The following PLA2R1 variants were observed in gnomAD, a reference collection of about 807,000 sequenced individuals.
The protein encoded by PLA2R1 is secretory phospholipase A2 receptor.
A neutral mutation model predicts 195.9 loss-of-function variants in PLA2R1; 158 were observed. The observed-to-expected ratio is 0.81, with a 90% confidence interval of 0.71 to 0.92. The LOEUF is 0.92. Among genes scored for constraint, PLA2R1 ranks in the 40% least tolerant of loss-of-function variants. The pLI is 0.00. For missense variants in PLA2R1, 1,626 were observed against 1,764.6 expected, an observed-to-expected ratio of 0.92 and a Z score of 1.41; for synonymous variants, 586 against 598.2, an observed-to-expected ratio of 0.98 and a Z score of 0.30.
chr2:160,041,393 A>G (rs1486370436), intron 3 of PLA2R1, among the ~76,000 whole-genome samples: 1 of 152,228 alleles, frequency 6.6e-6, no homozygotes, highest in Non-Finnish European at 1.5e-5. Context: ...ATGAAATAAT[A>G]AGGCACTAAC....
At chr2:159,995,817 C>A (rs1691172315) in intron 11 of PLA2R1, among the ~76,000 whole-genome samples, 1 of 151,764 alleles carries the variant, frequency 6.6e-6, no homozygotes, top group Non-Finnish European at 1.5e-5. Flanking sequence ...AGAGAGTTCC[C>A]CTCTAACACC....
chr2:160,039,021 C>T (rs1190520269), intron 3 of PLA2R1, among the ~76,000 whole-genome samples: 3 of 151,988 alleles, frequency 2.0e-5, no homozygotes, highest in African/African-American at 4.8e-5. Context: ...TGCCTACCAC[C>T]ACACCCAGCT....
At chr2:160,001,611 T>A (rs930515218) in intron 11 of PLA2R1, among the ~76,000 whole-genome samples, 6 of 151,850 alleles carry the variant, frequency 4.0e-5, no homozygotes, top group Non-Finnish European at 8.8e-5. Context: ...TAGAAAAAAA[T>A]TTAAAAAATG....
chr2:159,985,931 T>C (rs1004972879), intron 12 of PLA2R1, among the ~76,000 whole-genome samples: 2 of 152,042 alleles, frequency 1.3e-5, no homozygotes, highest in African/African-American at 4.8e-5. Context: ...CCTCCTAGAA[T>C]AGGATGTCTT....
chr2:160,055,378 C>A lies in PLA2R1; in HGVS notation c.109+6917G>T, dbSNP rs1220431402. Among the ~76,000 whole-genome samples, 6 of 152,176 alleles carry A rather than the reference C, an allele frequency of 3.9e-5. No individual in the cohort carries two copies. In the South Asian group the frequency reaches 1.0e-3, roughly 26 times the overall value. ...TCACGCTTTTACTGAAATTCCGTTT[C>A]CAGATTAGTAGAATGGCTCATTGCC... On this transcript the variant is annotated intron_variant, in intron 1 of 29. Transcript: ENST00000283243.
intron 28 of PLA2R1, among the ~76,000 whole-genome samples, chr2:159,944,452 T>C (rs1224774473): frequency 6.6e-6 from 1 of 152,228 alleles, no homozygotes. Context: ...ATGATTAAGT[T>C]AAAATGTGAC....
the PLA2R1 span, among the ~76,000 whole-genome samples, chr2:159,925,188 T>TAA: frequency 0.051 from 7,686 of 150,292 alleles, 622 homozygotes; most frequent in African/African-American, 0.18. Flanking sequence ...ACGTCAGTTA[T>TAA]AAAAAAAAAC....
intron 11 of PLA2R1, among the ~76,000 whole-genome samples, chr2:159,994,248 T>C (rs1369146895): frequency 6.6e-6 from 1 of 152,122 alleles, no homozygotes; most frequent in African/African-American, 2.4e-5. Flanking sequence ...TTAAACAATG[T>C]GATGTGAATA....
intron 20 of PLA2R1, among the ~76,000 whole-genome samples, chr2:159,966,520 A>C (rs1446388966): frequency 2.6e-5 from 4 of 152,220 alleles, no homozygotes; most frequent in African/African-American, 9.6e-5. Context: ...AATGGCTAGA[A>C]TGGTGAATTC....
At chr2:160,029,366 T>A (rs1693715749) in intron 4 of PLA2R1, among the ~76,000 whole-genome samples, 1 of 151,834 alleles carries the variant, frequency 6.6e-6, no homozygotes, top group Non-Finnish European at 1.5e-5. Context: ...TAAAACGGTG[T>A]GCTGAAGTAG....
chr2:159,926,717 T>C, the PLA2R1 span, among the ~76,000 whole-genome samples: 2 of 152,092 alleles, frequency 1.3e-5, no homozygotes, highest in African/African-American at 4.8e-5. Context: ...ACTACTGTAT[T>C]TATAAAGGTG....
intron 12 of PLA2R1, among the ~76,000 whole-genome samples, chr2:159,984,385 T>C (rs896377694): frequency 6.6e-6 from 1 of 152,212 alleles, no homozygotes; most frequent in Admixed American, 6.5e-5. Context: ...CAGTAAATAT[T>C]TGTCAAGAGA....
At chr2:160,046,771 G>C (rs1267144426) in intron 1 of PLA2R1, among the ~76,000 whole-genome samples, 2 of 152,122 alleles carry the variant, frequency 1.3e-5, no homozygotes, top group Non-Finnish European at 2.9e-5. Flanking sequence ...ATTTCATTTA[G>C]ATCAGGAAAT....
chr2:160,005,781 C>T lies in PLA2R1; in HGVS notation c.1705G>A (p.Val569Ile). ...AFITSLISSV[V>I]KMKDSYFWIA... is the part of the protein sequence containing the mutation. ...CAAAAATAACTGTCCTTCATTTTTA[C>T]CACACTACTGATCAAACTGGTAATA... Residue 569 changes from valine (V) to isoleucine (I), a missense_variant, in exon 11 of 30, where the codon GTA (valine) becomes ATA (isoleucine). By Grantham distance (29) the Val-to-Ile change is conservative. Coordinates refer to ENST00000283243, the MANE Select transcript of PLA2R1 (RefSeq NM_007366.5). 1 of 1,612,710 alleles carries T rather than the reference C, an allele frequency of 6.2e-7. No individual in the cohort carries two copies. The highest frequency in any genetic ancestry group is 1.1e-5 in the South Asian group (1 of 91,048).
chr2:160,017,732 A>G (rs1436010007), intron 8 of PLA2R1, among the ~76,000 whole-genome samples: 1 of 152,216 alleles, frequency 6.6e-6, no homozygotes, highest in Non-Finnish European at 1.5e-5. Flanking sequence ...TTAATAACAC[A>G]AATCAGAACC....
intron 2 of PLA2R1, among the ~76,000 whole-genome samples, chr2:160,044,144 C>CTT (rs11448444): frequency 7.9e-5 from 12 of 151,278 alleles, no homozygotes; most frequent in East Asian, 1.9e-4. Flanking sequence ...ATGTAACTTT[C>CTT]TTTTTTTTTC....
At position 160,016,613 on chromosome 2, in the gene PLA2R1, C is replaced by A; in HGVS notation, c.1551+1G>T. On this transcript the variant is annotated splice_donor_variant, in intron 9 of 29. Coordinates refer to ENST00000283243, the MANE Select transcript of PLA2R1 (RefSeq NM_007366.5). LOFTEE classifies it high-confidence loss of function. ...TAAATTGCAATGTTAACAGCACTTA[C>A]CTCTTGACATCCTGATTCAGCATCA... is the stretch of plus-strand genomic sequence containing the variant. 4 of 1,526,108 alleles carry A rather than the reference C, an allele frequency of 2.6e-6. No individual in the cohort carries two copies. The highest frequency in any genetic ancestry group is 3.6e-6 in the Non-Finnish European group (4 of 1,099,900). 94.5% of individuals were successfully genotyped at this position (1,526,108 alleles called of 1,614,324 possible). A position where few individuals can be genotyped will look rare whatever the true frequency, so the allele number is the denominator to read the frequency against.
In PLA2R1 at chr2:159,941,719, G is replaced by A; in HGVS notation, c.*59C>T. 3 of 859,160 alleles carry A rather than the reference G, an allele frequency of 3.5e-6. No homozygotes were observed. Among genetic ancestry groups the A allele is most frequent in the Non-Finnish European group, 5.8e-6 (3 of 517,870 alleles). The allele number at this position is 859,160 out of a possible 1,614,324, so 53.2% of individuals were successfully genotyped here. A position where few individuals can be genotyped will look rare whatever the true frequency, so the allele number is the denominator to read the frequency against. Reference sequence around the variant, plus strand: ...GTGCTGTAAAGGGAAAGACAGATGAGACTCCTGTTTAGTCTTCTTTACTTA... The same window carrying A: ...GTGCTGTAAAGGGAAAGACAGATGAAACTCCTGTTTAGTCTTCTTTACTTA... On this transcript the variant is annotated 3_prime_UTR_variant, in exon 30 of 30. Transcript: ENST00000283243.
intron 10 of PLA2R1, among the ~76,000 whole-genome samples, chr2:160,007,942 G>A (rs1328142220): frequency 6.6e-6 from 1 of 152,190 alleles, no homozygotes; most frequent in Non-Finnish European, 1.5e-5. Context: ...ATATAATCGT[G>A]AAAAGAAACC....
Sources: allele counts gnomAD v4.1 joint callset (sites outside exome capture counted in the v4.1 genomes callset), GRCh38; gene constraint gnomAD v4.1.1; transcripts MANE v1.5; gene names NCBI Gene and HGNC (gene_info 2026-07-23, HGNC 2026-07-21).